CCSER1: variants seen among roughly 807,000 people sequenced by gnomAD.
The protein encoded by CCSER1 is coiled-coil serine rich protein 1, also known as serine-rich coiled-coil domain-containing protein 1.
Under a neutral mutation model 82.0 loss-of-function variants are expected in CCSER1, and 41 were observed. The observed-to-expected ratio is 0.50, with a 90% confidence interval of 0.39 to 0.65. The LOEUF is 0.65. Ranked by LOEUF, CCSER1 falls within the 30% of genes least tolerant of loss-of-function variation. The pLI is 0.00. For missense variants in CCSER1, 1,119 were observed against 1,064.2 expected (o/e 1.05, Z -0.72); for synonymous variants, 414 against 383.9 (o/e 1.08, Z -0.92).
intron 7 of CCSER1, among the ~76,000 whole-genome samples, chr4:90,756,706 C>G (rs905312127): frequency 2.0e-5 from 3 of 152,108 alleles, no homozygotes; most frequent in African/African-American, 7.2e-5. Flanking sequence ...ATTCCTAGTT[C>G]TTGTTATGAC....
chr4:90,977,924 G>T (rs1735757219), intron 9 of CCSER1, among the ~76,000 whole-genome samples: 1 of 151,512 alleles, frequency 6.6e-6, no homozygotes, highest in African/African-American at 2.4e-5. Flanking sequence ...CCTTTTCAAT[G>T]CCCTATGTGC....
chr4:90,660,010 TA>T lies in CCSER1; in HGVS notation c.1932+31790del, dbSNP rs796092663. On this transcript the variant is annotated intron_variant, in intron 6 of 10. Coordinates refer to ENST00000509176, the MANE Select transcript of CCSER1 (RefSeq NM_001145065.2). ...CTTTGAGTTCCTTAGTCTTCAAAAG[TA>T]AAAAAAAAAAACCTTAAATAGATGT... Among the ~76,000 whole-genome samples the T allele has an allele frequency of 4.4e-3, 616 of 138,696 alleles. 3 individuals carry two copies. The highest frequency in any genetic ancestry group is 0.012 in the African/African-American group (452 of 38,094). The allele number at this position is 138,696 out of a possible 152,430, so 91.0% of individuals were successfully genotyped here.
intron 7 of CCSER1, among the ~76,000 whole-genome samples, chr4:90,738,038 A>C (rs1201735786): frequency 6.6e-6 from 1 of 152,146 alleles, no homozygotes; most frequent in African/African-American, 2.4e-5. Flanking sequence ...CAAAATAACT[A>C]TTTTGAATTC....
chr4:90,710,323 C>G (rs1269956118), intron 6 of CCSER1, among the ~76,000 whole-genome samples: 1 of 151,884 alleles, frequency 6.6e-6, no homozygotes, highest in Non-Finnish European at 1.5e-5. Flanking sequence ...TGCAGCAGTT[C>G]TTTAGTTTAA....
intron 5 of CCSER1, among the ~76,000 whole-genome samples, chr4:90,545,965 G>A (rs1776699927): frequency 6.6e-6 from 1 of 152,004 alleles, no homozygotes; most frequent in South Asian, 2.1e-4. Flanking sequence ...AACAACAATA[G>A]GTAAAATAAA....
intron 1 of CCSER1, among the ~76,000 whole-genome samples, chr4:90,258,313 G>A (rs1723715147): frequency 1.3e-5 from 2 of 152,132 alleles, no homozygotes; most frequent in African/African-American, 4.8e-5. Flanking sequence ...AAGAGATTGA[G>A]ATCATCTTGG....
intron 5 of CCSER1, among the ~76,000 whole-genome samples, chr4:90,543,149 G>C (rs941758562): frequency 4.6e-5 from 7 of 151,984 alleles, no homozygotes; most frequent in Non-Finnish European, 1.0e-4. Context: ...TCATACTGTT[G>C]TATCATTTGT....
chr4:91,314,982 C>A (rs1745728843), intron 10 of CCSER1, among the ~76,000 whole-genome samples: 1 of 151,766 alleles, frequency 6.6e-6, no homozygotes, highest in Non-Finnish European at 1.5e-5. Flanking sequence ...ATGTGTAAAG[C>A]CAGATACTAC....
At chr4:91,432,349 G>A (rs1325368430) in intron 10 of CCSER1, among the ~76,000 whole-genome samples, 2 of 152,000 alleles carry the variant, frequency 1.3e-5, no homozygotes, top group Non-Finnish European at 2.9e-5. Context: ...TAGAATTATA[G>A]TACAAATAAT....
intron 8 of CCSER1, among the ~76,000 whole-genome samples, chr4:90,856,322 ACT>A (rs35669498): frequency 0.31 from 47,746 of 151,902 alleles, 8,090 homozygotes; most frequent in East Asian, 0.51. Context: ...ATTTTGCAAG[ACT>A]CATTTATAAG....
intron 10 of CCSER1, among the ~76,000 whole-genome samples, chr4:91,157,948 A>G (rs1434335637): frequency 2.6e-5 from 4 of 151,976 alleles, no homozygotes; most frequent in Non-Finnish European, 5.9e-5. Flanking sequence ...TCATTTCTAC[A>G]TGGATTTGTA....
chr4:91,131,981 T>A (rs1728040195), intron 10 of CCSER1, among the ~76,000 whole-genome samples: 2 of 151,856 alleles, frequency 1.3e-5, no homozygotes, highest in African/African-American at 4.8e-5. Context: ...AATATCTAGA[T>A]TATATATTGT....
chr4:90,909,050 T>G (rs549298720), intron 8 of CCSER1, among the ~76,000 whole-genome samples: 2 of 151,632 alleles, frequency 1.3e-5, no homozygotes, highest in East Asian at 3.9e-4. Context: ...AGAAAAGGAG[T>G]CTTCTTGACC....
intron 5 of CCSER1, among the ~76,000 whole-genome samples, chr4:90,469,311 A>G (rs534455533): frequency 6.6e-6 from 1 of 152,226 alleles, no homozygotes; most frequent in South Asian, 2.1e-4. Flanking sequence ...GATATTCAGT[A>G]TTAATATTCT....
At chr4:91,306,069 G>A (rs1485489479) in intron 10 of CCSER1, among the ~76,000 whole-genome samples, 1 of 148,780 alleles carries the variant, frequency 6.7e-6, no homozygotes, top group Non-Finnish European at 1.5e-5. Context: ...TTGTGTGTGT[G>A]TGTGTGTGTG....
Position 91,562,595 on chromosome 4 carries a change from T to C in CCSER1, c.2218-35977T>C, listed in dbSNP as rs563786713. Among the ~76,000 whole-genome samples, 10 of 151,660 alleles carry C rather than the reference T, an allele frequency of 6.6e-5. No homozygotes were observed. In the South Asian group the frequency reaches 8.3e-4, roughly 13 times the overall value. ...AGAACCCTTGTTCCAGAGTCAAGAA[T>C]TGTAGACCCACTTAGACTCTATATG... On this transcript the variant is annotated intron_variant, in intron 10 of 10. Transcript: ENST00000509176.
At chr4:91,589,206 C>T (rs1047002767) in intron 10 of CCSER1, among the ~76,000 whole-genome samples, 6 of 151,660 alleles carry the variant, frequency 4.0e-5, no homozygotes, top group South Asian at 4.1e-4. Context: ...TAGGTAAATA[C>T]GTTACTTTTA....
At chr4:91,170,925 C>T (rs1410534048) in intron 10 of CCSER1, among the ~76,000 whole-genome samples, 1 of 152,204 alleles carries the variant, frequency 6.6e-6, no homozygotes, top group Non-Finnish European at 1.5e-5. Flanking sequence ...AACCCAGCCT[C>T]AGCACCCTTG....
intron 10 of CCSER1, among the ~76,000 whole-genome samples, chr4:91,462,677 A>G (rs1185021754): frequency 6.6e-6 from 1 of 152,162 alleles, no homozygotes; most frequent in African/African-American, 2.4e-5. Context: ...GTGCTTTTCC[A>G]ATGGTCTTAG....
Sources: gnomAD v4.1 joint callset for allele counts (sites outside exome capture counted in the v4.1 genomes callset) on GRCh38, gnomAD v4.1.1 for gene constraint, MANE v1.5 for transcripts, NCBI Gene and HGNC (gene_info 2026-07-23, HGNC 2026-07-21) for gene names.